Variants in SYT6 observed in about 807,000 individuals in gnomAD.
SYT6 encodes the protein synaptotagmin-6.
In SYT6, 24 loss-of-function variants were observed where a neutral mutation model predicts 38.4. The observed-to-expected ratio is 0.62, with a 90% CI of 0.45 to 0.88. The LOEUF (loss-of-function observed/expected upper bound fraction) is 0.88, where lower values mean the gene tolerates loss of function less well. Ranked by LOEUF, SYT6 falls within the 40% of genes least tolerant of loss-of-function variation. SYT6 has a pLI of 0.00. For missense variants in SYT6, 611 were observed against 621.0 expected (o/e 0.98, Z 0.17); for synonymous variants, 265 against 241.9 (o/e 1.10, Z -0.89).
chr1:114,120,638 T>G (rs969270673), intron 3 of SYT6, among the ~76,000 whole-genome samples: 4 of 152,250 alleles, frequency 2.6e-5, no homozygotes, highest in African/African-American at 9.6e-5. Context: ...ATTCACTTAG[T>G]CTCTCTTAGC....
intron 3 of SYT6, among the ~76,000 whole-genome samples, chr1:114,115,706 C>A (rs1345454656): frequency 2.6e-5 from 4 of 152,148 alleles, no homozygotes; most frequent in Admixed American, 1.3e-4. Flanking sequence ...TGAGCCACTG[C>A]ACCCAGCTCT....
chr1:114,119,811 C>A (rs1407827337), intron 3 of SYT6, among the ~76,000 whole-genome samples: 2 of 152,218 alleles, frequency 1.3e-5, no homozygotes, highest in African/African-American at 4.8e-5. Flanking sequence ...GTGGCTCACG[C>A]CTGTAATCCC....
rs893227307 is a variant in SYT6 at position 114,153,840 on chromosome 1, C to G, written c.-68G>C. The stretch of plus-strand genomic sequence containing the variant: ...GCCCCGGCCGCACTGGGGCGGGGCA[C>G]GACGGCCCCAAGAAGACCCTCCCTG... On this transcript the variant is annotated 5_prime_UTR_variant, in exon 1 of 8. Transcript: ENST00000610222. The G allele has an allele frequency of 3.1e-5, 18 of 575,524 alleles. No homozygotes were observed. The Middle Eastern group carries it at 1.3e-3, about 42-fold the overall frequency. The allele number at this position is 575,524 out of a possible 1,614,324, so 35.7% of individuals were successfully genotyped here. A position where few individuals can be genotyped will look rare whatever the true frequency, so the allele number is the denominator to read the frequency against.
intron 5 of SYT6, 34 bp downstream of exon 5, chr1:114,099,060 G>A: frequency 1.3e-6 from 2 of 1,583,416 alleles, no homozygotes; most frequent in African/African-American, 2.7e-5. Flanking sequence ...GGGAGTGAGG[G>A]GTAGAATTAC....
chr1:114,114,626 C>G (rs1478809348), intron 3 of SYT6, among the ~76,000 whole-genome samples: 6 of 152,198 alleles, frequency 3.9e-5, no homozygotes, highest in Non-Finnish European at 8.8e-5. Context: ...CGCCCAAGAT[C>G]TACTGAGTCA....
At chr1:114,112,517 C>T (rs978313027) in intron 3 of SYT6, among the ~76,000 whole-genome samples, 20 of 152,124 alleles carry the variant, frequency 1.3e-4, no homozygotes, top group Admixed American at 1.3e-3. Context: ...AGATCTCTTC[C>T]TAATGACTTT....
At chr1:114,144,012 A>T (rs865927875) in intron 1 of SYT6, among the ~76,000 whole-genome samples, 5 of 152,254 alleles carry the variant, frequency 3.3e-5, no homozygotes, top group Non-Finnish European at 5.9e-5. Flanking sequence ...AACCAAGGGC[A>T]TACTTTGCAG....
chr1:114,111,944 C>T (rs1244886720), intron 3 of SYT6, among the ~76,000 whole-genome samples: 1 of 152,128 alleles, frequency 6.6e-6, no homozygotes, highest in East Asian at 1.9e-4. Context: ...TGCTCCGCCT[C>T]AGGCCCGGGC....
At chr1:114,151,374 C>G (rs1679429039) in intron 1 of SYT6, among the ~76,000 whole-genome samples, 1 of 152,158 alleles carries the variant, frequency 6.6e-6, no homozygotes. Context: ...CTGATGCAGC[C>G]TGCAGGGAAG....
At chr1:114,115,007 T>G (rs759461706) in intron 3 of SYT6, among the ~76,000 whole-genome samples, 6 of 152,176 alleles carry the variant, frequency 3.9e-5, no homozygotes, top group Admixed American at 1.3e-4. Flanking sequence ...TTATCCAAAT[T>G]TACAGGGTTT....
chr1:114,116,678 A>G (rs114134789), intron 3 of SYT6, among the ~76,000 whole-genome samples: 120 of 152,258 alleles, frequency 7.9e-4, no homozygotes, highest in African/African-American at 2.6e-3. Flanking sequence ...CTAGGAAGCA[A>G]GAGGCCCCAA....
At chr1:114,147,168 G>A (rs1216667416) in intron 1 of SYT6, among the ~76,000 whole-genome samples, 1 of 152,186 alleles carries the variant, frequency 6.6e-6, no homozygotes, top group Non-Finnish European at 1.5e-5. Flanking sequence ...TCTGTATCTT[G>A]AGACGTAACA....
chr1:114,102,363 C>G (rs1004258949), intron 4 of SYT6, among the ~76,000 whole-genome samples: 7 of 152,146 alleles, frequency 4.6e-5, no homozygotes, highest in African/African-American at 1.7e-4. Flanking sequence ...CTCAGAGCTG[C>G]AACAAACACA....
chr1:114,092,529 G>A (rs148162502), intron 7 of SYT6, among the ~76,000 whole-genome samples: 32 of 152,312 alleles, frequency 2.1e-4, no homozygotes, highest in African/African-American at 7.7e-4. Flanking sequence ...GGAGCTGACA[G>A]TACAGCTAAA....
intron 1 of SYT6, among the ~76,000 whole-genome samples, chr1:114,151,291 C>T (rs1679426331): frequency 6.6e-6 from 1 of 152,170 alleles, no homozygotes; most frequent in Admixed American, 6.5e-5. Flanking sequence ...AGCTTGGACC[C>T]TGGGCTTCCT....
chr1:114,129,155 C>G (rs1002845001), intron 3 of SYT6, among the ~76,000 whole-genome samples: 3 of 152,262 alleles, frequency 2.0e-5, no homozygotes, highest in African/African-American at 7.2e-5. Flanking sequence ...TTCTCTTTCT[C>G]TACACCTTAG....
At chr1:114,114,500 G>T (rs1428099320) in intron 3 of SYT6, among the ~76,000 whole-genome samples, 1 of 152,212 alleles carries the variant, frequency 6.6e-6, no homozygotes, top group African/African-American at 2.4e-5. Flanking sequence ...CCCCAGGAGG[G>T]TTGCTGTGGT....
At chr1:114,145,128 G>A (rs897451022) in intron 1 of SYT6, among the ~76,000 whole-genome samples, 7 of 152,078 alleles carry the variant, frequency 4.6e-5, no homozygotes, top group Middle Eastern at 3.4e-3. Flanking sequence ...GGGGCAGGTG[G>A]ACACAAGAGA....
chr1:114,138,203 A>G, intron 2 of SYT6, 150 bp from the exon 3 acceptor site: 1 of 737,616 alleles, frequency 1.4e-6, no homozygotes, highest in East Asian at 2.7e-5. Flanking sequence ...TTTGCTCTGC[A>G]TACACTTTGT....
Sources: gnomAD v4.1 joint callset for allele counts (sites outside exome capture counted in the v4.1 genomes callset) on GRCh38, gnomAD v4.1.1 for gene constraint, MANE v1.5 for transcripts, NCBI Gene and HGNC (gene_info 2026-07-23, HGNC 2026-07-21) for gene names.